Variants in ZNF705G observed in about 807,000 individuals in gnomAD.
The protein encoded by ZNF705G is putative zinc finger protein 705G.
In ZNF705G, 23 loss-of-function variants were observed where a neutral mutation model predicts 19.6. The observed-to-expected ratio is 1.17, with a 90% CI of 0.84 to 1.66. The LOEUF (loss-of-function observed/expected upper bound fraction) is 1.66, where lower values mean the gene tolerates loss of function less well. ZNF705G is among the 40% of genes most tolerant of loss of function. ZNF705G has a pLI of 0.00. For synonymous variants in ZNF705G, 146 were observed against 117.7 expected, an observed-to-expected ratio of 1.24 and a Z score of -1.56; for missense variants, 457 against 354.4, an observed-to-expected ratio of 1.29 and a Z score of -2.32.
intron 3 of ZNF705G, among the ~76,000 whole-genome samples, chr8:7,362,120 C>T (rs573720050): frequency 4.0e-5 from 6 of 149,546 alleles, no homozygotes; most frequent in Non-Finnish European, 7.3e-5. Context: ...ATTTAAAAAG[C>T]CTCTTCATTG....
At chr8:7,385,408 T>G (rs983152882) in intron 1 of ZNF705G, 90 bp downstream of exon 1, 1 of 148,836 alleles carries the variant, frequency 6.7e-6, no homozygotes, top group Non-Finnish European at 1.5e-5. Context: ...TTGTCTACAT[T>G]CCTGTCTCCT....
chr8:7,379,785 G>T (rs2719533), intron 2 of ZNF705G, among the ~76,000 whole-genome samples: 20 of 146,796 alleles, frequency 1.4e-4, no homozygotes, highest in Non-Finnish European at 2.9e-5. Flanking sequence ...CTGGAGTCTA[G>T]GTGATGGTCA....
At position 7,358,443 on chromosome 8, in the gene ZNF705G, T is replaced by G; in HGVS notation, c.436A>C (p.Ser146Arg). 1.2e-6 allele frequency: 2 copies of G among 1,607,770 alleles called. No individual in the cohort carries two copies. The highest frequency in any genetic ancestry group is 2.2e-5 in the South Asian group (2 of 90,714). ...LTHSGKKPYV[S>R]KQCGKSLRNL... The stretch of plus-strand genomic sequence containing the variant: ...CGAAGGGATTTTCCACACTGTTTGC[T>G]GACATAGGGTTTCTTTCCACTATGA... Residue 146 changes from serine (S) to arginine (R), a missense_variant, in exon 7 of 7, where the codon AGC (serine) becomes CGC (arginine). Coordinates refer to ENST00000400156, the MANE Select transcript of ZNF705G (RefSeq NM_001164457.3).
chr8:7,365,375 ATTTTTTT>A (rs71253679), intron 2 of ZNF705G, among the ~76,000 whole-genome samples: 10 of 112,042 alleles, frequency 8.9e-5, no homozygotes, highest in East Asian at 2.5e-4. Flanking sequence ...GTCTCTCTCT[ATTTTTTT>A]TTTTTTTTTT....
At chr8:7,362,912 A>T (rs1352046600) in intron 3 of ZNF705G, 23 bp downstream of exon 3, 1 of 1,587,082 alleles carries the variant, frequency 6.3e-7, no homozygotes, top group Non-Finnish European at 8.5e-7. Context: ...TAATTTCAGT[A>T]GAAAGAGGCA....
At chr8:7,359,556 C>T (rs1256974787) in intron 6 of ZNF705G, 63 bp downstream of exon 6, 21 of 1,595,252 alleles carry the variant, frequency 1.3e-5, no homozygotes, top group Non-Finnish European at 1.7e-5. Flanking sequence ...TGCTTCATTA[C>T]TAACTTAATC....
rs1301124011 is a variant in ZNF705G, at chr8:7,380,414, G to A, written c.-72+1038C>T. On this transcript the variant is annotated intron_variant, in intron 2 of 6. Coordinates refer to ENST00000400156, the MANE Select transcript of ZNF705G (RefSeq NM_001164457.3). ...GTATGAGCCCACCCAGCCTGGTGGT[G>A]CCTGTGCACATTGTCTGGGAGCCTG... 2.0e-5 allele frequency among the ~76,000 whole-genome samples: 3 copies of A among 147,542 alleles called. 1 individual carries two copies. Among genetic ancestry groups the A allele is most frequent in the Non-Finnish European group, 4.4e-5 (3 of 68,008 alleles).
chr8:7,375,000 T>A (rs1807202435), intron 2 of ZNF705G, among the ~76,000 whole-genome samples: 1 of 94,680 alleles, frequency 1.1e-5, no homozygotes, highest in South Asian at 3.6e-4. Flanking sequence ...ATCATAATTT[T>A]AAAAAGTCTT....
intron 1 of ZNF705G, among the ~76,000 whole-genome samples, chr8:7,382,036 C>T (rs867460027): frequency 6.6e-6 from 1 of 152,162 alleles, no homozygotes; most frequent in Non-Finnish European, 1.5e-5. Context: ...TGGCTAAGCA[C>T]ACAAGGGCGT....
intron 2 of ZNF705G, among the ~76,000 whole-genome samples, chr8:7,365,585 G>C (rs1226623119): frequency 1.1e-4 from 16 of 149,118 alleles, no homozygotes; most frequent in Non-Finnish European, 1.5e-4. Context: ...GGTCGCGCTG[G>C]TCTAAAACTC....
intron 2 of ZNF705G, among the ~76,000 whole-genome samples, chr8:7,368,067 C>T (rs1209580066): frequency 6.7e-6 from 1 of 149,528 alleles, no homozygotes; most frequent in Non-Finnish European, 1.5e-5. Flanking sequence ...TGGGAAAATG[C>T]ATCCTCTGAT....
intron 2 of ZNF705G, among the ~76,000 whole-genome samples, chr8:7,370,164 G>T (rs1185333965): frequency 1.4e-5 from 2 of 148,006 alleles, no homozygotes; most frequent in Non-Finnish European, 2.9e-5. Context: ...CCAGCTACTT[G>T]GGAGGCTGAG....
chr8:7,377,722 AG>A (rs1045198194), intron 2 of ZNF705G, among the ~76,000 whole-genome samples: 2 of 84,038 alleles, frequency 2.4e-5, no homozygotes, highest in Non-Finnish European at 4.3e-5. Flanking sequence ...TGGGAGGCCA[AG>A]GTGGGTGGAT....
chr8:7,366,893 C>G (rs904812687), intron 2 of ZNF705G, among the ~76,000 whole-genome samples: 2 of 149,620 alleles, frequency 1.3e-5, no homozygotes, highest in Admixed American at 6.6e-5. Flanking sequence ...AACTACCACA[C>G]ATATGTAGTT....
At chr8:7,368,811 A>G (rs1346507869) in intron 2 of ZNF705G, among the ~76,000 whole-genome samples, 10 of 149,528 alleles carry the variant, frequency 6.7e-5, no homozygotes, top group Non-Finnish European at 8.8e-5. Context: ...AGCTCCAGCC[A>G]TGGCTAAAAG....
intron 2 of ZNF705G, among the ~76,000 whole-genome samples, chr8:7,380,557 G>C (rs139729350): frequency 0.035 from 5,082 of 146,574 alleles, 132 homozygotes; most frequent in Non-Finnish European, 0.041. Context: ...TTTGCACCAG[G>C]TGAAAGCCTG....
intron 5 of ZNF705G, 133 bp downstream of exon 5, chr8:7,360,104 A>G (rs1409270770): frequency 1.8e-6 from 2 of 1,102,950 alleles, no homozygotes; most frequent in Non-Finnish European, 1.3e-6. Context: ...CATCTAAGGA[A>G]TTCTGCTCCA....
chr8:7,359,829 A>T, intron 5 of ZNF705G, 128 bp from the exon 6 acceptor site: 1 of 1,389,508 alleles, frequency 7.2e-7, no homozygotes, highest in Non-Finnish European at 1.0e-6. Flanking sequence ...AAATGAAGAA[A>T]CTACTTGAAT....
Position 7,366,397 on chromosome 8 carries a change from G to A in ZNF705G, c.-71-3380C>T, listed in dbSNP as rs546396370. Among the ~76,000 whole-genome samples, 220 of 149,634 alleles carry A rather than the reference G, an allele frequency of 1.5e-3. 22 individuals carry two copies. Among genetic ancestry groups the A allele is most frequent in the African/African-American group, 5.4e-3 (212 of 39,070 alleles). ...ATAATGAACACTGCATACAAAGTTT[G>A]TGTAACAGGAGAGAGGAAAAATCTC... On this transcript the variant is annotated intron_variant, in intron 2 of 6. Transcript: ENST00000400156.
Sources: allele counts gnomAD v4.1 joint callset (sites outside exome capture counted in the v4.1 genomes callset), GRCh38; gene constraint gnomAD v4.1.1; transcripts MANE v1.5; gene names NCBI Gene and HGNC (gene_info 2026-07-23, HGNC 2026-07-21).